TCERG1L: variants seen among roughly 807,000 people sequenced by gnomAD.
TCERG1L encodes transcription elongation regulator 1-like protein.
TCERG1L carries 37 observed loss-of-function variants against 56.3 expected under a neutral mutation model. The observed-to-expected ratio is 0.66, with a 90% CI of 0.51 to 0.87. The LOEUF (loss-of-function observed/expected upper bound fraction) is 0.87, where lower values mean the gene tolerates loss of function less well. TCERG1L is among the 40% of genes least tolerant of loss of function. The probability of loss-of-function intolerance (pLI) is 0.00; values close to 1 mark genes in which losing one functional copy is unlikely to be tolerated. For synonymous variants in TCERG1L, 324 were observed against 326.3 expected (o/e 0.99, Z 0.08); for missense variants, 799 against 774.2 (o/e 1.03, Z -0.38).
chr10:131,245,816 G>A (rs970106569), intron 4 of TCERG1L, among the ~76,000 whole-genome samples: 1 of 152,234 alleles, frequency 6.6e-6, no homozygotes, highest in Admixed American at 6.5e-5. Flanking sequence ...TCAGAGCTCT[G>A]TGGGGTGGGC....
chr10:131,290,997 G>T (rs10047338), intron 3 of TCERG1L, among the ~76,000 whole-genome samples: 10,228 of 152,184 alleles, frequency 0.067, 426 homozygotes, highest in East Asian at 0.17. Context: ...ACTAACTATG[G>T]CATTGTTGTG....
Position 131,177,010 on chromosome 10 carries a change from GCA to G in TCERG1L, c.857-10127_857-10126del, listed in dbSNP as rs1196623298. Among the ~76,000 whole-genome samples, 13 of 137,222 alleles carry G rather than the reference GCA, an allele frequency of 9.5e-5. No individual in the cohort carries two copies. In the South Asian group the frequency reaches 9.9e-4, roughly 10 times the overall value. The allele number at this position is 137,222 out of a possible 152,430, so 90.0% of individuals were successfully genotyped here. ...AAGACAGGTGTACACACAGACACAT[GCA>G]CACACAGATACGTGTATACAGACAC... is the stretch of plus-strand genomic sequence containing the variant. On this transcript the variant is annotated intron_variant, in intron 4 of 11. Transcript: ENST00000368642.
chr10:131,207,450 G>A lies in TCERG1L; in HGVS notation c.857-40565C>T, dbSNP rs530067838. Among the ~76,000 whole-genome samples, 14 of 152,314 alleles carry A rather than the reference G, an allele frequency of 9.2e-5. No homozygotes were observed. In the East Asian group the frequency reaches 1.5e-3, roughly 17 times the overall value. On this transcript the variant is annotated intron_variant, in intron 4 of 11. Coordinates refer to ENST00000368642, the MANE Select transcript of TCERG1L (RefSeq NM_174937.4). ...GTTCACTGTTTACAGGTGACACAGC[G>A]GCTCCAACATGAAGACAGATGTTCC...
At chr10:131,161,602 C>G (rs1845977554) in intron 6 of TCERG1L, 2 of 151,716 alleles carry the variant, frequency 1.3e-5, no homozygotes, top group South Asian at 4.3e-4. Context: ...AGGGAGGGTG[C>G]TGGTCTCCAG....
chr10:131,174,187 C>T (rs1244837562), intron 4 of TCERG1L, among the ~76,000 whole-genome samples: 4 of 152,184 alleles, frequency 2.6e-5, no homozygotes, highest in Non-Finnish European at 4.4e-5. Flanking sequence ...AGGCCACAGT[C>T]AGATGCCTGC....
At chr10:131,194,126 C>G (rs572002124) in intron 4 of TCERG1L, among the ~76,000 whole-genome samples, 1 of 152,350 alleles carries the variant, frequency 6.6e-6, no homozygotes, top group African/African-American at 2.4e-5. Flanking sequence ...AGCTTTGACC[C>G]GTGCCAAAGC....
In TCERG1L at chr10:131,093,284, G is replaced by A. The variant is rs560095047; in HGVS notation, c.1639C>T (p.Arg547Trp). The change falls in exon 12 of 12, where the codon CGG (arginine) becomes TGG (tryptophan). Residue 547 changes from arginine to tryptophan, a missense_variant. By Grantham distance (101) the Arg-to-Trp change is moderately radical. Coordinates refer to ENST00000368642, the MANE Select transcript of TCERG1L (RefSeq NM_174937.4). ...TGAACAAGTCGGAACCTCTGATCCCGGCCGTATTTCTCTGCAAACTCCTTA... is the reference window on the plus strand; with the variant it reads ...TGAACAAGTCGGAACCTCTGATCCCAGCCGTATTTCTCTGCAAACTCCTTA... ...TFKEFAEKYGRDQRFRLVQKR... is the reference protein window; with the variant it reads ...TFKEFAEKYGWDQRFRLVQKR... 11 of 1,613,868 alleles carry A rather than the reference G, an allele frequency of 6.8e-6. No homozygotes were observed. Among genetic ancestry groups the A allele is most frequent in the African/African-American group, 2.7e-5 (2 of 75,012 alleles).
At chr10:131,096,612 C>T (rs902680867) in intron 11 of TCERG1L, among the ~76,000 whole-genome samples, 8 of 152,070 alleles carry the variant, frequency 5.3e-5, no homozygotes, top group Non-Finnish European at 1.0e-4. Context: ...ATTTAAAAAC[C>T]GATGCAGGCC....
In TCERG1L at chr10:131,308,307, G is replaced by C; in HGVS notation, c.574C>G (p.Arg192Gly). Residue 192 changes from arginine (R) to glycine (G), a missense_variant, in exon 3 of 12, where the codon CGT becomes GGT. Arg to Gly is a moderately radical substitution (Grantham distance 125). Transcript: ENST00000368642. Reference protein sequence around the residue: ...SRFFHGHEKPRLLANQVAVSL... With the variant: ...SRFFHGHEKPGLLANQVAVSL... ...ACAGCTACTTGATTTGCCAGCAAAC[G>C]AGGCTTTTCATGCCCATGGAAAAAC... is the stretch of plus-strand genomic sequence containing the variant. 1 of 1,613,966 alleles carries C rather than the reference G, an allele frequency of 6.2e-7. No homozygotes were observed.
intron 3 of TCERG1L, among the ~76,000 whole-genome samples, chr10:131,280,949 C>T (rs765626166): frequency 7.9e-5 from 12 of 152,048 alleles, no homozygotes; most frequent in African/African-American, 9.7e-5. Context: ...AGCCTGTGGC[C>T]GCACCTTCCC....
chr10:131,222,072 G>A (rs59153779), intron 4 of TCERG1L, among the ~76,000 whole-genome samples: 1,746 of 152,270 alleles, frequency 0.011, 31 homozygotes, highest in African/African-American at 0.04. Context: ...GTCTCAAACC[G>A]GAAAGAGAAC....
chr10:131,220,525 T>C (rs1173746978), intron 4 of TCERG1L, among the ~76,000 whole-genome samples: 1 of 152,204 alleles, frequency 6.6e-6, no homozygotes, highest in Non-Finnish European at 1.5e-5. Context: ...CTACTGACCT[T>C]ACTTGGTGTC....
intron 6 of TCERG1L, among the ~76,000 whole-genome samples, chr10:131,154,520 G>A (rs967005333): frequency 6.6e-6 from 1 of 152,182 alleles, no homozygotes; most frequent in Admixed American, 6.5e-5. Flanking sequence ...AGAATGAAAG[G>A]GCCGCACCCA....
intron 3 of TCERG1L, among the ~76,000 whole-genome samples, chr10:131,304,168 G>A (rs1398090345): frequency 6.6e-6 from 1 of 151,954 alleles, no homozygotes; most frequent in Non-Finnish European, 1.5e-5. Context: ...AACGGGACAT[G>A]GACAACTTTT....
chr10:131,262,221 T>C (rs1589765340), intron 3 of TCERG1L, among the ~76,000 whole-genome samples: 1 of 152,346 alleles, frequency 6.6e-6, no homozygotes. Flanking sequence ...GTCTTCATCC[T>C]GCCTGCTTGA....
rs1312814389 is a variant in TCERG1L, at chr10:131,119,275, T to C, written c.1260-2341A>G. Among the ~76,000 whole-genome samples, 4 of 152,188 alleles carry C rather than the reference T, an allele frequency of 2.6e-5. No homozygotes were observed. The East Asian group carries it at 5.8e-4, about 22-fold the overall frequency. Reference sequence around the variant, plus strand: ...GTTTTCATTCACAGGGGCTGTAATATGGATTAATCCCAACGAATACAAAAT... The same window carrying C: ...GTTTTCATTCACAGGGGCTGTAATACGGATTAATCCCAACGAATACAAAAT... On this transcript the variant is annotated intron_variant, in intron 8 of 11. Coordinates refer to ENST00000368642, the MANE Select transcript of TCERG1L (RefSeq NM_174937.4).
intron 3 of TCERG1L, among the ~76,000 whole-genome samples, chr10:131,262,427 G>C (rs1367644917): frequency 6.6e-6 from 1 of 152,180 alleles, no homozygotes; most frequent in Non-Finnish European, 1.5e-5. Context: ...CTAGATGGCA[G>C]AATTACGGCT....
chr10:131,267,781 G>A lies in TCERG1L; in HGVS notation c.671-7337C>T, dbSNP rs1846301499. Among the ~76,000 whole-genome samples the A allele has an allele frequency of 6.6e-6, 1 of 152,342 alleles. No individual in the cohort carries two copies. Among genetic ancestry groups the A allele is most frequent in the Non-Finnish European group, 1.5e-5 (1 of 68,018 alleles). On this transcript the variant is annotated intron_variant, in intron 3 of 11. Coordinates refer to ENST00000368642, the MANE Select transcript of TCERG1L (RefSeq NM_174937.4). This position sits in a 1 kb window ranked among gnomAD's most constrained non-coding sequence, Gnocchi z 4.9. ...ATGGGGCACAGGGAACCCCACTGCT[G>A]CTCCCACCACCAGTCCTGCTGCCCT...
intron 3 of TCERG1L, among the ~76,000 whole-genome samples, chr10:131,266,735 A>T (rs1358893375): frequency 6.6e-6 from 1 of 152,092 alleles, no homozygotes; most frequent in Non-Finnish European, 1.5e-5. Context: ...CAGCTGGTCA[A>T]CTGGACATCT....
Sources: gnomAD v4.1 joint callset for allele counts (sites outside exome capture counted in the v4.1 genomes callset) on GRCh38, gnomAD v4.1.1 for gene constraint, Gnocchi (gnomAD v3.1) non-coding constraint, MANE v1.5 for transcripts, NCBI Gene and HGNC (gene_info 2026-07-23, HGNC 2026-07-21) for gene names.